The following CNNM3 variants were observed in gnomAD, a reference collection of about 807,000 sequenced individuals.
CNNM3 encodes the protein cyclin and CBS domain divalent metal cation transport mediator 3.
In CNNM3, 47 loss-of-function variants were observed where a neutral mutation model predicts 57.1. The ratio of observed to expected loss-of-function variants is 0.82; its 90% CI spans 0.65 to 1.05. The LOEUF (loss-of-function observed/expected upper bound fraction) is 1.05, where lower values mean the gene tolerates loss of function less well. CNNM3 is among the 50% of genes least tolerant of loss of function. The pLI is 0.00. For synonymous variants in CNNM3, 507 were observed against 478.2 expected (o/e 1.06, Z -0.79); for missense variants, 957 against 973.7 (o/e 0.98, Z 0.23).
intron 1 of CNNM3, among the ~76,000 whole-genome samples, chr2:96,822,212 C>T (rs975377719): frequency 1.3e-5 from 2 of 152,034 alleles, no homozygotes; most frequent in Non-Finnish European, 2.9e-5. Context: ...ACAATGTTGG[C>T]CAGGATAGTT....
downstream of CNNM3, chr2:96,836,864 TTAAG>T (rs935196841): frequency 5.3e-5 from 8 of 152,228 alleles, no homozygotes; most frequent in African/African-American, 1.9e-4. Flanking sequence ...AGTTTTAAAT[TTAAG>T]TATGCATGTG....
Position 96,816,681 on chromosome 2 carries a change from G to A in CNNM3, c.404G>A (p.Trp135Ter). 9.8e-7 allele frequency: 1 copy of A among 1,022,946 alleles called. No homozygotes were observed. Among genetic ancestry groups the A allele is most frequent in the Non-Finnish European group, 1.2e-6 (1 of 856,514 alleles). The allele number at this position is 1,022,946 out of a possible 1,614,324, so 63.4% of individuals were successfully genotyped here. A position where few individuals can be genotyped will look rare whatever the true frequency, so the allele number is the denominator to read the frequency against. Residue 135 changes from tryptophan to a stop codon, truncating the protein, a stop_gained, in exon 1 of 8, where the codon TGG (tryptophan) becomes TAG (stop). Coordinates refer to ENST00000305510, the MANE Select transcript of CNNM3 (RefSeq NM_017623.5). LOFTEE classifies it high-confidence loss of function. ...GCGGCTGAGGAGGCGGCGCCGCCCT[G>A]GGCTCTGGGCCTGGGGGCGGCCGGG... ...GGAAEEAAPP[W>*]ALGLGAAGLL...
Position 96,816,789 on chromosome 2 carries a change from A to G in CNNM3, c.512A>G (p.Glu171Gly), listed in dbSNP as rs1431885084. 3 of 1,023,152 alleles carry G rather than the reference A, an allele frequency of 2.9e-6. No homozygotes were observed. The East Asian group carries it at 2.9e-4, about 97-fold the overall frequency. 63.4% of individuals were successfully genotyped at this position (1,023,152 alleles called of 1,614,324 possible). A position where few individuals can be genotyped will look rare whatever the true frequency, so the allele number is the denominator to read the frequency against. Residue 171 changes from glutamate to glycine, a missense_variant, in exon 1 of 8, where the codon GAG (glutamate) becomes GGG (glycine). Physicochemically the swap from Glu to Gly is moderately conservative, Grantham distance 98. Transcript: ENST00000305510. ...CCTGCCGAGGTGCAGGTGCTGCGCG[A>G]GAGCGGCTCGGAGGCGGAGCGTGCG... ...LAPAEVQVLRESGSEAERAAA... is the reference protein window; with the variant it reads ...LAPAEVQVLRGSGSEAERAAA...
chr2:96,817,015 C>T lies in CNNM3; in HGVS notation c.738C>T (p.Arg246=). The T allele has an allele frequency of 7.3e-7, 1 of 1,369,508 alleles. No individual in the cohort carries two copies. Among genetic ancestry groups the T allele is most frequent in the Non-Finnish European group, 9.5e-7 (1 of 1,056,144 alleles). The allele number at this position is 1,369,508 out of a possible 1,614,324, so 84.8% of individuals were successfully genotyped here. A position where few individuals can be genotyped will look rare whatever the true frequency, so the allele number is the denominator to read the frequency against. ...TGGTGCCGGCCGCCGTGAGCGGGCG[C>T]TGGACGCTGGCGCTGGCGCCGCGAG... ...GEVVPAAVSG[R]WTLALAPRAL... is the part of the protein sequence containing the mutation. The change falls in exon 1 of 8, where the codon CGC becomes CGT. Residue 246 remains arginine (R), a synonymous_variant. Transcript: ENST00000305510.
At position 96,832,383 on chromosome 2, in the gene CNNM3, C is replaced by A. The variant is rs1031852865; in HGVS notation, c.2060-169C>A. 1.4e-5 allele frequency: 21 copies of A among 1,491,650 alleles called. No homozygotes were observed. In the African/African-American group the frequency reaches 2.4e-4, roughly 17 times the overall value. The allele number at this position is 1,491,650 out of a possible 1,614,324, so 92.4% of individuals were successfully genotyped here. A position where few individuals can be genotyped will look rare whatever the true frequency, so the allele number is the denominator to read the frequency against. ...GTCTCCCAGGGAAGGCATCTGTTGG[C>A]TGACCATCTGCTAACCAGTCGCTCC... On this transcript the variant is annotated intron_variant, in intron 7 of 7. Coordinates refer to ENST00000305510, the MANE Select transcript of CNNM3 (RefSeq NM_017623.5).
intron 3 of CNNM3, among the ~76,000 whole-genome samples, chr2:96,827,464 T>C (rs1336247082): frequency 6.6e-6 from 1 of 151,960 alleles, no homozygotes; most frequent in African/African-American, 2.4e-5. Flanking sequence ...GGCGGGGTTT[T>C]GCCATATTGG....
At chr2:96,828,832 G>A (rs1322935890) in intron 6 of CNNM3, 132 bp downstream of exon 6, 5 of 1,480,736 alleles carry the variant, frequency 3.4e-6, no homozygotes, top group Admixed American at 3.7e-5. Context: ...TTTGCACCCA[G>A]TTTCCAAGCA....
At chr2:96,831,264 T>C (rs1276737402) in intron 7 of CNNM3, among the ~76,000 whole-genome samples, 6 of 152,208 alleles carry the variant, frequency 3.9e-5, no homozygotes, top group Admixed American at 1.3e-4. Flanking sequence ...GAACTCGGGT[T>C]GTCCTGCATT....
At chr2:96,826,405 G>A (rs1012712231) in intron 2 of CNNM3, among the ~76,000 whole-genome samples, 4 of 151,908 alleles carry the variant, frequency 2.6e-5, no homozygotes, top group African/African-American at 4.8e-5. Flanking sequence ...GTAAAGACAC[G>A]GTCTCTCTAT....
In CNNM3 at chr2:96,834,549, A is replaced by C. The variant is rs184231413; in HGVS notation, c.*1933A>C. 1.3e-5 allele frequency among the ~76,000 whole-genome samples: 2 copies of C among 151,572 alleles called. No homozygotes were observed. The highest frequency in any genetic ancestry group is 4.9e-5 in the African/African-American group (2 of 41,192). On this transcript the variant is annotated 3_prime_UTR_variant, in exon 8 of 8. Transcript: ENST00000305510. ...TTTTTTGTAGAGATAGGGTCTCATT[A>C]TGTTGCCTGGGGTAGTCTCGAACTC...
intron 3 of CNNM3, 88 bp from the exon 4 acceptor site, chr2:96,827,643 A>G (rs1247247389): frequency 3.6e-6 from 5 of 1,391,458 alleles, no homozygotes; most frequent in South Asian, 2.6e-5. Flanking sequence ...GGTGGGCACA[A>G]TAACTTTAAA....
chr2:96,829,515 G>A (rs1181456656), intron 7 of CNNM3, among the ~76,000 whole-genome samples: 1 of 151,480 alleles, frequency 6.6e-6, no homozygotes, highest in African/African-American at 2.4e-5. Flanking sequence ...TGGCCAGGCT[G>A]GTCTTGAACT....
At chr2:96,830,045 A>G (rs2079575071) in intron 7 of CNNM3, among the ~76,000 whole-genome samples, 7 of 152,236 alleles carry the variant, frequency 4.6e-5, no homozygotes, top group Admixed American at 4.6e-4. Context: ...CCATCCCCAC[A>G]CTGCAAGGAG....
At chr2:96,828,455 T>A (rs2079546963) in intron 5 of CNNM3, 112 bp from the exon 6 acceptor site, 2 of 1,367,460 alleles carry the variant, frequency 1.5e-6, no homozygotes, top group African/African-American at 2.9e-5. Flanking sequence ...ACATTGCCTC[T>A]CCAGAGTGAT....
intron 1 of CNNM3, among the ~76,000 whole-genome samples, chr2:96,820,789 T>C (rs2153353841): frequency 6.6e-6 from 1 of 152,324 alleles, no homozygotes; most frequent in South Asian, 2.1e-4. Context: ...GAGAAGTGAC[T>C]GGCAGAGGAT....
chr2:96,828,042 T>C, intron 4 of CNNM3, 57 bp from the exon 5 acceptor site: 1 of 1,586,544 alleles, frequency 6.3e-7, no homozygotes, highest in Admixed American at 1.7e-5. Flanking sequence ...TTCCGCTGTC[T>C]TCTGACGGGA....
In CNNM3 at chr2:96,835,146, A is replaced by C. The variant is rs187378446; in HGVS notation, c.*2530A>C. Among the ~76,000 whole-genome samples the C allele has an allele frequency of 5.6e-4, 85 of 152,096 alleles. No homozygotes were observed. The highest frequency in any genetic ancestry group is 9.7e-4 in the East Asian group (5 of 5,176). Reference sequence around the variant, plus strand: ...AACCACTAATCGTTCATCTCTTCTTATTTTGTCATTTCAAGAATGTTGTAT... The same window carrying C: ...AACCACTAATCGTTCATCTCTTCTTCTTTTGTCATTTCAAGAATGTTGTAT... On this transcript the variant is annotated 3_prime_UTR_variant, in exon 8 of 8. Transcript: ENST00000305510.
chr2:96,833,697 T>A lies in CNNM3; in HGVS notation c.*1081T>A, dbSNP rs2079643815. On this transcript the variant is annotated 3_prime_UTR_variant, in exon 8 of 8. Transcript: ENST00000305510. The stretch of plus-strand genomic sequence containing the variant: ...CATTTTCCTTCCGTAGTTCTTCAGC[T>A]GTGTGGAAACGGGCATCACAAGGAC... The A allele has an allele frequency of 1.3e-5, 2 of 152,282 alleles. No individual in the cohort carries two copies. The highest frequency in any genetic ancestry group is 4.8e-5 in the African/African-American group (2 of 41,460). The allele number at this position is 152,282 out of a possible 1,614,324, so 9.4% of individuals were successfully genotyped here.
rs1457680771 is a variant in CNNM3 at position 96,816,295 on chromosome 2, T to C, written c.18T>C (p.Ala6=). Residue 6 remains alanine, a synonymous_variant, in exon 1 of 8, where the codon GCT becomes GCC. Coordinates refer to ENST00000305510, the MANE Select transcript of CNNM3 (RefSeq NM_017623.5). The part of the protein sequence containing the change: MAAAV[A]AAGRLGWLFA... ...AGCAGGCGATGGCGGCGGCGGTAGCTGCGGCGGGTCGGTTAGGCTGGTTGT... is the reference window on the plus strand; with the variant it reads ...AGCAGGCGATGGCGGCGGCGGTAGCCGCGGCGGGTCGGTTAGGCTGGTTGT... The C allele has an allele frequency of 2.3e-6, 3 of 1,292,364 alleles. No homozygotes were observed. Among genetic ancestry groups the C allele is most frequent in the East Asian group, 3.0e-5 (1 of 32,790 alleles). 80.1% of individuals were successfully genotyped at this position (1,292,364 alleles called of 1,614,324 possible).
Sources: allele counts gnomAD v4.1 joint callset (sites outside exome capture counted in the v4.1 genomes callset), GRCh38; gene constraint gnomAD v4.1.1; transcripts MANE v1.5; gene names NCBI Gene and HGNC (gene_info 2026-07-23, HGNC 2026-07-21).